IMMP1L: variants seen among roughly 807,000 people sequenced by gnomAD.
IMMP1L encodes inner mitochondrial membrane peptidase subunit 1.
IMMP1L carries 24 observed loss-of-function variants against 21.8 expected under a neutral mutation model. That is an observed-to-expected ratio of 1.10 (90% CI 0.80 to 1.55). IMMP1L has a LOEUF of 1.55. IMMP1L is among the 40% of genes most tolerant of loss of function. The pLI, the probability that IMMP1L is intolerant of heterozygous loss-of-function variation, is 0.00. For missense variants in IMMP1L, 195 were observed against 200.7 expected, an observed-to-expected ratio of 0.97 and a Z score of 0.17; for synonymous variants, 46 against 62.8, an observed-to-expected ratio of 0.73 and a Z score of 1.26.
chr11:31,485,701 A>C lies in IMMP1L; in HGVS notation c.-29-22396T>G, dbSNP rs61353156. On this transcript the variant is annotated intron_variant, in intron 1 of 5. Transcript: ENST00000532287. ...TGACAACAAAAAGCAAGAATTACCT[A>C]ACAAATGTAAAAGAAAACAAAACAA... Among the ~76,000 whole-genome samples the C allele has an allele frequency of 7.7e-3, 1,165 of 151,992 alleles. 12 individuals carry two copies. Among genetic ancestry groups the C allele is most frequent in the African/African-American group, 0.027 (1,111 of 41,534 alleles).
At chr11:31,432,695 G>A in intron 5 of IMMP1L, 127 bp from the exon 6 acceptor site, 5 of 642,924 alleles carry the variant, frequency 7.8e-6, no homozygotes, top group South Asian at 2.1e-5. Flanking sequence ...CATCAATCAA[G>A]AATAAAATTT....
At chr11:31,448,477 G>A (rs1041742220) in intron 4 of IMMP1L, among the ~76,000 whole-genome samples, 1 of 152,116 alleles carries the variant, frequency 6.6e-6, no homozygotes, top group African/African-American at 2.4e-5. Flanking sequence ...TGACTTTTAA[G>A]CAACTTTAAA....
At chr11:31,494,195 TGCCTGGTC>T (rs1955352263) in intron 1 of IMMP1L, among the ~76,000 whole-genome samples, 1 of 152,250 alleles carries the variant, frequency 6.6e-6, no homozygotes, top group Non-Finnish European at 1.5e-5. Context: ...AGCAGACTTC[TGCCTGGTC>T]ATCCAGGCAT....
At chr11:31,441,977 C>G (rs1343615538) in intron 4 of IMMP1L, among the ~76,000 whole-genome samples, 1 of 152,048 alleles carries the variant, frequency 6.6e-6, no homozygotes, top group Non-Finnish European at 1.5e-5. Context: ...TATGCTATGC[C>G]ATTTTGAATG....
At chr11:31,471,833 A>T (rs1954562690) in intron 1 of IMMP1L, among the ~76,000 whole-genome samples, 1 of 152,212 alleles carries the variant, frequency 6.6e-6, no homozygotes, top group African/African-American at 2.4e-5. Flanking sequence ...AAAACAACAC[A>T]TATTTATAAT....
chr11:31,487,957 G>A (rs1246968028), intron 1 of IMMP1L, among the ~76,000 whole-genome samples: 1 of 152,050 alleles, frequency 6.6e-6, no homozygotes, highest in African/African-American at 2.4e-5. Context: ...TGTGAATGTA[G>A]CCAAAGATTC....
At chr11:31,445,339 CTCATCCT>C (rs1953477438) in intron 4 of IMMP1L, among the ~76,000 whole-genome samples, 4 of 152,174 alleles carry the variant, frequency 2.6e-5, no homozygotes, top group African/African-American at 4.8e-5. Context: ...CAAATCCAAA[CTCATCCT>C]ATATGGATTT....
At chr11:31,468,963 C>T (rs1954455136) in intron 1 of IMMP1L, among the ~76,000 whole-genome samples, 1 of 152,016 alleles carries the variant, frequency 6.6e-6, no homozygotes, top group African/African-American at 2.4e-5. Context: ...ATATCCTTGC[C>T]AACATTTGTT....
At chr11:31,436,893 T>G (rs1953141797) in intron 4 of IMMP1L, among the ~76,000 whole-genome samples, 4 of 152,212 alleles carry the variant, frequency 2.6e-5, no homozygotes, top group Admixed American at 2.6e-4. Context: ...ATATGAGACA[T>G]GCTAACTCCT....
At chr11:31,448,447 T>C (rs1010457760) in intron 4 of IMMP1L, among the ~76,000 whole-genome samples, 10 of 152,252 alleles carry the variant, frequency 6.6e-5, no homozygotes, top group African/African-American at 2.4e-4. Context: ...GTTACAATTT[T>C]GTTCTTTAAT....
intron 1 of IMMP1L, among the ~76,000 whole-genome samples, chr11:31,482,365 T>A (rs1954923243): frequency 6.6e-6 from 1 of 151,998 alleles, no homozygotes; most frequent in Admixed American, 6.6e-5. Flanking sequence ...CTAGACTACT[T>A]TAAAGACTTA....
chr11:31,491,983 G>A (rs1486760605), intron 1 of IMMP1L, among the ~76,000 whole-genome samples: 1 of 152,176 alleles, frequency 6.6e-6, no homozygotes, highest in African/African-American at 2.4e-5. Context: ...TAATTCCTAA[G>A]GGCCTTGGGA....
rs141721631 is a variant in IMMP1L, at chr11:31,461,162, A to T, written c.106-448T>A. On this transcript the variant is annotated intron_variant, in intron 2 of 5. Coordinates refer to ENST00000532287, the MANE Select transcript of IMMP1L (RefSeq NM_001304274.2). Reference sequence around the variant, plus strand: ...ATATAATCCAGTGAACATGATGATGATTTACTAAATGGTATTATACTATTC... The same window carrying T: ...ATATAATCCAGTGAACATGATGATGTTTTACTAAATGGTATTATACTATTC... Among the ~76,000 whole-genome samples, 3 of 152,306 alleles carry T rather than the reference A, an allele frequency of 2.0e-5. No homozygotes were observed. The South Asian group carries it at 6.2e-4, about 32-fold the overall frequency.
In IMMP1L at chr11:31,463,223, T is replaced by A; in HGVS notation, c.54A>T (p.Gln18His). The change falls in exon 2 of 6, where the codon CAA becomes CAT. Residue 18 changes from glutamine (Q) to histidine (H), a missense_variant. Transcript: ENST00000532287. ...AAGCACAATGAGCTATACAGCCATA[T>A]TGAATAGTATAGCCAACAAGTCGAA... Reference protein sequence around the residue: ...KTFRLVGYTIQYGCIAHCAFE... With the variant: ...KTFRLVGYTIHYGCIAHCAFE... 6.2e-7 allele frequency: 1 copy of A among 1,612,772 alleles called. No homozygotes were observed. Among genetic ancestry groups the A allele is most frequent in the Non-Finnish European group, 8.5e-7 (1 of 1,179,294 alleles).
intron 4 of IMMP1L, among the ~76,000 whole-genome samples, chr11:31,454,703 G>A (rs2133622945): frequency 6.6e-6 from 1 of 152,246 alleles, no homozygotes; most frequent in South Asian, 2.1e-4. Context: ...ACATCTTACA[G>A]TGCTGGTTAT....
chr11:31,474,560 A>G (rs1290997425), intron 1 of IMMP1L, among the ~76,000 whole-genome samples: 1 of 152,152 alleles, frequency 6.6e-6, no homozygotes, highest in Non-Finnish European at 1.5e-5. Flanking sequence ...TTAGCTGGGC[A>G]TGAGGTGCAC....
intron 4 of IMMP1L, 30 bp downstream of exon 4, chr11:31,456,230 C>CA: frequency 6.8e-7 from 1 of 1,476,588 alleles, no homozygotes; most frequent in Non-Finnish European, 9.3e-7. Flanking sequence ...ATTATGACAC[C>CA]AAAAATAACA....
chr11:31,451,457 T>C (rs79545760), intron 4 of IMMP1L, among the ~76,000 whole-genome samples: 3,097 of 152,262 alleles, frequency 0.02, 90 homozygotes, highest in African/African-American at 0.069. Flanking sequence ...TCTGATTATA[T>C]ATAGAAGGTA....
At chr11:31,501,396 T>C (rs1223113) in intron 1 of IMMP1L, among the ~76,000 whole-genome samples, 54,743 of 151,988 alleles carry the variant, frequency 0.36, 12,067 homozygotes, top group African/African-American at 0.62. Flanking sequence ...TAAATGAGAT[T>C]GAGGCTGAGA....
Sources: gnomAD v4.1 joint callset for allele counts (sites outside exome capture counted in the v4.1 genomes callset) on GRCh38, gnomAD v4.1.1 for gene constraint, MANE v1.5 for transcripts, NCBI Gene and HGNC (gene_info 2026-07-23, HGNC 2026-07-21) for gene names.